SLC25A21: variants seen among roughly 807,000 people sequenced by gnomAD.
The protein encoded by SLC25A21 is mitochondrial 2-oxodicarboxylate carrier.
In SLC25A21, 47 loss-of-function variants were observed where a neutral mutation model predicts 43.8. The observed-to-expected ratio is 1.07, with a 90% CI of 0.85 to 1.37. The LOEUF is 1.37. Among genes scored for constraint, SLC25A21 ranks in the 40% most tolerant of loss-of-function variants. The pLI is 0.00. For missense variants in SLC25A21, 352 were observed against 350.2 expected, an observed-to-expected ratio of 1.00 and a Z score of -0.04; for synonymous variants, 131 against 121.3, an observed-to-expected ratio of 1.08 and a Z score of -0.52.
intron 7 of SLC25A21, among the ~76,000 whole-genome samples, chr14:36,708,174 G>T (rs1198632018): frequency 6.6e-6 from 1 of 152,194 alleles, no homozygotes; most frequent in Non-Finnish European, 1.5e-5. Context: ...TTGGATGGGA[G>T]TGAGGAAATG....
intron 1 of SLC25A21, among the ~76,000 whole-genome samples, chr14:37,023,096 T>A (rs1041992278): frequency 6.6e-6 from 1 of 151,932 alleles, no homozygotes; most frequent in African/African-American, 2.4e-5. Context: ...GCTGAACACA[T>A]CTCCAGGACA....
chr14:36,937,030 A>G (rs1339515274), intron 1 of SLC25A21, among the ~76,000 whole-genome samples: 1 of 152,188 alleles, frequency 6.6e-6, no homozygotes, highest in Non-Finnish European at 1.5e-5. Context: ...TGAGAGACTA[A>G]AAGAGAAAAT....
intron 1 of SLC25A21, among the ~76,000 whole-genome samples, chr14:36,994,236 G>C (rs796842652): frequency 5.9e-5 from 9 of 152,200 alleles, no homozygotes; most frequent in African/African-American, 2.2e-4. Flanking sequence ...TCTAGAAAAA[G>C]AAAATGCATT....
chr14:36,815,470 T>C (rs1888422837), intron 2 of SLC25A21, among the ~76,000 whole-genome samples: 2 of 152,188 alleles, frequency 1.3e-5, no homozygotes, highest in Admixed American at 6.5e-5. Flanking sequence ...CTCTACAGTT[T>C]ACTATCGCTA....
chr14:37,130,535 T>C (rs1388785082), intron 1 of SLC25A21, among the ~76,000 whole-genome samples: 1 of 152,186 alleles, frequency 6.6e-6, no homozygotes, highest in Non-Finnish European at 1.5e-5. Context: ...GCTTAGAGCA[T>C]AAATATAAGG....
intron 1 of SLC25A21, among the ~76,000 whole-genome samples, chr14:37,058,578 T>C (rs1474395288): frequency 6.6e-6 from 1 of 152,230 alleles, no homozygotes; most frequent in East Asian, 1.9e-4. Context: ...CTAAGGCCTT[T>C]TCCAATTTTA....
intron 1 of SLC25A21, among the ~76,000 whole-genome samples, chr14:36,965,928 TATCCA>T (rs2138679968): frequency 6.6e-6 from 1 of 152,290 alleles, no homozygotes; most frequent in South Asian, 2.1e-4. Flanking sequence ...AGGGGATGAA[TATCCA>T]ATTGCCCATG....
At chr14:37,051,987 C>T (rs183454881) in intron 1 of SLC25A21, among the ~76,000 whole-genome samples, 2 of 152,314 alleles carry the variant, frequency 1.3e-5, no homozygotes, top group African/African-American at 4.8e-5. Context: ...AGGGCCCGAG[C>T]ACATCCTGTG....
At chr14:37,007,552 G>A (rs968920369) in intron 1 of SLC25A21, among the ~76,000 whole-genome samples, 3 of 149,418 alleles carry the variant, frequency 2.0e-5, no homozygotes, top group African/African-American at 7.4e-5. Context: ...GCAGTGAGCC[G>A]AGATCACGCC....
chr14:36,781,658 ATTTC>A (rs1887067024), intron 3 of SLC25A21, among the ~76,000 whole-genome samples: 1 of 152,114 alleles, frequency 6.6e-6, no homozygotes, highest in African/African-American at 2.4e-5. Context: ...GTCACAATTT[ATTTC>A]TTTTTTATTG....
chr14:36,931,568 A>G (rs1328963483), intron 1 of SLC25A21, among the ~76,000 whole-genome samples: 1 of 152,118 alleles, frequency 6.6e-6, no homozygotes, highest in Non-Finnish European at 1.5e-5. Context: ...AGGACATTAT[A>G]TTTTCTTGTG....
chr14:36,703,550 C>T (rs891246195), intron 7 of SLC25A21, among the ~76,000 whole-genome samples: 1 of 152,142 alleles, frequency 6.6e-6, no homozygotes, highest in Non-Finnish European at 1.5e-5. Context: ...TATATCATGG[C>T]AAAATTCAAC....
At chr14:36,916,282 TG>T in intron 1 of SLC25A21, among the ~76,000 whole-genome samples, 1 of 152,194 alleles carries the variant, frequency 6.6e-6, no homozygotes, top group Non-Finnish European at 1.5e-5. Context: ...GGAGCTCAGA[TG>T]TTGTCTCTTG....
chr14:36,727,470 C>T (rs1481463580), intron 5 of SLC25A21, among the ~76,000 whole-genome samples: 2 of 152,098 alleles, frequency 1.3e-5, no homozygotes, highest in African/African-American at 2.4e-5. Context: ...GGTGGATGAC[C>T]TGAGGTCAGA....
intron 1 of SLC25A21, among the ~76,000 whole-genome samples, chr14:36,880,000 C>T (rs905872043): frequency 2.6e-4 from 39 of 152,130 alleles, no homozygotes; most frequent in African/African-American, 7.5e-4. Context: ...ATTTAGGCAA[C>T]CATTTTCCCA....
chr14:36,832,674 G>A (rs565488929), intron 2 of SLC25A21, among the ~76,000 whole-genome samples: 11 of 152,110 alleles, frequency 7.2e-5, no homozygotes, highest in Non-Finnish European at 1.0e-4. Context: ...AGACATTCTT[G>A]GGTACTCAAA....
intron 3 of SLC25A21, among the ~76,000 whole-genome samples, chr14:36,801,218 C>T (rs1887857963): frequency 1.3e-5 from 2 of 152,138 alleles, no homozygotes; most frequent in South Asian, 4.1e-4. Flanking sequence ...GATAGCTTTC[C>T]AACTGCTGGA....
At chr14:37,171,770 T>A (rs1346933728) in intron 1 of SLC25A21, 3 of 153,552 alleles carry the variant, frequency 2.0e-5, no homozygotes, top group Non-Finnish European at 2.9e-5. Flanking sequence ...CATTTAATTT[T>A]AATATCCTTA....
chr14:37,110,144 A>C (rs1962991792), intron 1 of SLC25A21, among the ~76,000 whole-genome samples: 1 of 152,196 alleles, frequency 6.6e-6, no homozygotes, highest in Non-Finnish European at 1.5e-5. Context: ...TAGTTTGTGA[A>C]CACTACTTCA....
Sources: gnomAD v4.1 joint callset for allele counts (sites outside exome capture counted in the v4.1 genomes callset) on GRCh38, gnomAD v4.1.1 for gene constraint, MANE v1.5 for transcripts, NCBI Gene and HGNC (gene_info 2026-07-23, HGNC 2026-07-21) for gene names.